Variants in PLCXD2 observed in about 807,000 individuals in gnomAD.
PLCXD2 encodes the protein phosphatidylinositol specific phospholipase C X domain containing 2.
A neutral mutation model predicts 28.6 loss-of-function variants in PLCXD2; 21 were observed. That is an observed-to-expected ratio of 0.73 (90% CI 0.52 to 1.06). The LOEUF is 1.06. Ranked by LOEUF, PLCXD2 falls within the 50% of genes least tolerant of loss-of-function variation. The pLI, the probability that PLCXD2 is intolerant of heterozygous loss-of-function variation, is 0.00. For missense variants in PLCXD2, 369 were observed against 376.7 expected, an observed-to-expected ratio of 0.98 and a Z score of 0.17; for synonymous variants, 140 against 150.1, an observed-to-expected ratio of 0.93 and a Z score of 0.49.
chr3:111,688,795 A>G (rs1052953928), intron 1 of PLCXD2, among the ~76,000 whole-genome samples: 9 of 152,238 alleles, frequency 5.9e-5, no homozygotes, highest in Non-Finnish European at 1.3e-4. Flanking sequence ...TAAATTTCAA[A>G]AAAGAATTAA....
At chr3:111,687,106 TC>T (rs1482192075) in intron 1 of PLCXD2, among the ~76,000 whole-genome samples, 1 of 152,238 alleles carries the variant, frequency 6.6e-6, no homozygotes. Context: ...TTGTATTTAT[TC>T]TGTATAGATG....
chr3:111,675,314 G>A lies in PLCXD2; in HGVS notation c.69G>A (p.Gly23=). 1 of 1,614,144 alleles carries A rather than the reference G, an allele frequency of 6.2e-7. No homozygotes were observed. Among genetic ancestry groups the A allele is most frequent in the Non-Finnish European group, 8.5e-7 (1 of 1,180,022 alleles). The stretch of plus-strand genomic sequence containing the variant: ...CCATCTGCTCCCCCAACCCCAGCGG[G>A]ACAAAGACATCATCGGAGGTCTGCA... Residue 23 remains glycine, a synonymous_variant, in exon 1 of 5, where the codon GGG becomes GGA. Coordinates refer to ENST00000477665, the MANE Select transcript of PLCXD2 (RefSeq NM_001185106.1).
At chr3:111,688,799 G>T (rs1231119240) in intron 1 of PLCXD2, among the ~76,000 whole-genome samples, 4 of 151,338 alleles carry the variant, frequency 2.6e-5, no homozygotes, top group African/African-American at 9.7e-5. Flanking sequence ...TTTCAAAAAA[G>T]AATTAAACAA....
At position 111,696,691 on chromosome 3, in the gene PLCXD2, C is replaced by T. The variant is rs540899286; in HGVS notation, c.164-11235C>T. Among the ~76,000 whole-genome samples the T allele has an allele frequency of 7.5e-4, 114 of 151,934 alleles. 1 individual carries two copies. Among genetic ancestry groups the T allele is most frequent in the Non-Finnish European group, 1.3e-3 (89 of 67,966 alleles). ...GCTTTAATTGAACACTCTGACTATT[C>T]GTTATAGAAAATACATGCATATCCA... On this transcript the variant is annotated intron_variant, in intron 1 of 4. Transcript: ENST00000477665.
chr3:111,715,103 T>C (rs2107869802), intron 3 of PLCXD2, among the ~76,000 whole-genome samples: 1 of 152,284 alleles, frequency 6.6e-6, no homozygotes, highest in East Asian at 1.9e-4. Flanking sequence ...CAGGACTAGA[T>C]TTTTCTTTCT....
chr3:111,712,697 C>T (rs962331785), intron 2 of PLCXD2, among the ~76,000 whole-genome samples: 8 of 152,198 alleles, frequency 5.3e-5, no homozygotes, highest in African/African-American at 1.9e-4. Flanking sequence ...ATCCAGAGCT[C>T]TTGTTCTTGG....
chr3:111,678,055 GA>G (rs975837005), intron 1 of PLCXD2, among the ~76,000 whole-genome samples: 24 of 152,168 alleles, frequency 1.6e-4, no homozygotes, highest in African/African-American at 5.6e-4. Context: ...TGAGGCGGGG[GA>G]CATGGGAAAG....
intron 2 of PLCXD2, among the ~76,000 whole-genome samples, chr3:111,712,353 G>A (rs886509784): frequency 1.3e-5 from 2 of 152,106 alleles, no homozygotes; most frequent in Admixed American, 6.5e-5. Flanking sequence ...GGGCTGCACC[G>A]CCTCCCACCT....
intron 2 of PLCXD2, 112 bp from the exon 3 acceptor site, chr3:111,713,775 C>T: frequency 1.7e-5 from 20 of 1,210,664 alleles, no homozygotes; most frequent in Non-Finnish European, 2.2e-5. Context: ...TCTTGACTTT[C>T]CACATATGAT....
At chr3:111,676,335 A>G (rs1261500435) in intron 1 of PLCXD2, among the ~76,000 whole-genome samples, 1 of 152,182 alleles carries the variant, frequency 6.6e-6, no homozygotes, top group African/African-American at 2.4e-5. Context: ...ACTACCAGAC[A>G]AACTCCCAAG....
intron 2 of PLCXD2, 69 bp downstream of exon 2, chr3:111,708,455 G>T (rs541013410): frequency 7.1e-7 from 1 of 1,415,588 alleles, no homozygotes. Flanking sequence ...CTGTATTGCC[G>T]TCTGTAAAAT....
chr3:111,702,365 A>G (rs189581685), intron 1 of PLCXD2, among the ~76,000 whole-genome samples: 1 of 152,298 alleles, frequency 6.6e-6, no homozygotes, highest in African/African-American at 2.4e-5. Flanking sequence ...TCAGATGGAA[A>G]GAAGTATGTC....
chr3:111,689,034 C>T (rs1940837712), intron 1 of PLCXD2, among the ~76,000 whole-genome samples: 1 of 151,662 alleles, frequency 6.6e-6, no homozygotes, highest in Admixed American at 6.6e-5. Context: ...TACAAGAGTT[C>T]AAATAAAGTA....
rs143072134 is a variant in PLCXD2, at chr3:111,691,962, C to A, written c.164-15964C>A. ...TGTTTCAGTTATTTTCAGGCAAGAG[C>A]CCCCACCAGGGTTATAAAAAAGTTA... On this transcript the variant is annotated intron_variant, in intron 1 of 4. Coordinates refer to ENST00000477665, the MANE Select transcript of PLCXD2 (RefSeq NM_001185106.1). Among the ~76,000 whole-genome samples, 1,336 of 152,298 alleles carry A rather than the reference C, an allele frequency of 8.8e-3. 12 individuals carry two copies. The highest frequency in any genetic ancestry group is 0.031 in the African/African-American group (1,288 of 41,548).
intron 2 of PLCXD2, among the ~76,000 whole-genome samples, chr3:111,712,817 G>A (rs1056979623): frequency 6.6e-6 from 1 of 152,226 alleles, no homozygotes; most frequent in African/African-American, 2.4e-5. Context: ...GCCTGGGACA[G>A]GGAAAAATAT....
At chr3:111,709,032 T>C (rs895907154) in intron 2 of PLCXD2, among the ~76,000 whole-genome samples, 1 of 148,482 alleles carries the variant, frequency 6.7e-6, no homozygotes, top group Non-Finnish European at 1.5e-5. Flanking sequence ...TCCACTCTGA[T>C]CCTAAAGGAT....
chr3:111,695,759 T>C (rs1940951986), intron 1 of PLCXD2, among the ~76,000 whole-genome samples: 1 of 152,252 alleles, frequency 6.6e-6, no homozygotes, highest in South Asian at 2.1e-4. Flanking sequence ...CAAGTAGATA[T>C]GCTAGGCAAA....
At chr3:111,723,605 T>C (rs532191219) in intron 3 of PLCXD2, 1 of 152,328 alleles carries the variant, frequency 6.6e-6, no homozygotes, top group African/African-American at 2.4e-5. Context: ...AGGAGGATTA[T>C]TTACAATTTT....
At chr3:111,691,620 AT>A (rs1940877976) in intron 1 of PLCXD2, 1 of 152,242 alleles carries the variant, frequency 6.6e-6, no homozygotes, top group South Asian at 2.1e-4. Flanking sequence ...AAACTCTGCA[AT>A]CACCATGTTA....
Sources: gnomAD v4.1 joint callset for allele counts (sites outside exome capture counted in the v4.1 genomes callset) on GRCh38, gnomAD v4.1.1 for gene constraint, MANE v1.5 for transcripts, NCBI Gene and HGNC (gene_info 2026-07-23, HGNC 2026-07-21) for gene names.